The following GRIK3 variants were observed in gnomAD, a reference collection of about 807,000 sequenced individuals.
GRIK3 encodes the protein glutamate receptor ionotropic, kainate 3.
In GRIK3, 29 loss-of-function variants were observed where a neutral mutation model predicts 102.5. That is an observed-to-expected ratio of 0.28 (90% confidence interval 0.21 to 0.39). The LOEUF (loss-of-function observed/expected upper bound fraction) is 0.39. Ranked by LOEUF, GRIK3 falls within the 10% of genes least tolerant of loss-of-function variation. The pLI, the probability that GRIK3 is intolerant of heterozygous loss-of-function variation, is 1.00. For synonymous variants in GRIK3, 511 were observed against 504.9 expected (o/e 1.01, Z -0.16); for missense variants, 908 against 1,252.4 (o/e 0.73, Z 4.15).
intron 1 of GRIK3, among the ~76,000 whole-genome samples, chr1:36,938,378 C>T (rs1213969231): frequency 6.6e-6 from 1 of 152,154 alleles, no homozygotes; most frequent in Non-Finnish European, 1.5e-5. Context: ...CTCTGAAACC[C>T]AAAGTTGAAT....
chr1:36,982,128 T>A (rs1212884711), intron 1 of GRIK3, among the ~76,000 whole-genome samples: 1 of 152,162 alleles, frequency 6.6e-6, no homozygotes, highest in East Asian at 1.9e-4. Flanking sequence ...GGTTAGGACA[T>A]CCCACGCGGC....
intron 13 of GRIK3, among the ~76,000 whole-genome samples, chr1:36,809,566 C>G (rs1407274290): frequency 1.3e-5 from 2 of 152,218 alleles, no homozygotes; most frequent in Non-Finnish European, 2.9e-5. Flanking sequence ...CTCCTTCTGT[C>G]TCAGAATGGG....
At chr1:37,006,629 T>C (rs1202766347) in intron 1 of GRIK3, among the ~76,000 whole-genome samples, 1 of 152,218 alleles carries the variant, frequency 6.6e-6, no homozygotes, top group African/African-American at 2.4e-5. Flanking sequence ...TAAATCCCTC[T>C]GGACAAAGGG....
At chr1:36,935,597 C>T (rs1413299905) in intron 1 of GRIK3, among the ~76,000 whole-genome samples, 4 of 151,768 alleles carry the variant, frequency 2.6e-5, no homozygotes, top group African/African-American at 9.7e-5. Flanking sequence ...GAATGACTGA[C>T]ACAAGCATTA....
At chr1:36,939,283 C>G (rs1284502620) in intron 1 of GRIK3, among the ~76,000 whole-genome samples, 3 of 152,244 alleles carry the variant, frequency 2.0e-5, no homozygotes, top group Non-Finnish European at 2.9e-5. Context: ...CTTTCTCCTG[C>G]AGGGTGCTGC....
intron 13 of GRIK3, among the ~76,000 whole-genome samples, chr1:36,809,833 C>T (rs564540694): frequency 6.6e-6 from 1 of 152,332 alleles, no homozygotes; most frequent in South Asian, 2.1e-4. Context: ...CACCAGAGAG[C>T]TTGGGCCAGT....
intron 10 of GRIK3, among the ~76,000 whole-genome samples, chr1:36,826,680 T>TAAA (rs57217516): frequency 4.6e-5 from 5 of 108,092 alleles, no homozygotes; most frequent in African/African-American, 1.7e-4. Flanking sequence ...TTTCAAAAAA[T>TAAA]AAAAAAAAAA....
intron 9 of GRIK3, among the ~76,000 whole-genome samples, chr1:36,845,011 A>G (rs1640504145): frequency 6.6e-6 from 1 of 152,196 alleles, no homozygotes; most frequent in African/African-American, 2.4e-5. Context: ...ATCTCCATAT[A>G]AATACGCTGC....
chr1:36,933,731 G>T (rs965576945), intron 1 of GRIK3, among the ~76,000 whole-genome samples: 1 of 152,286 alleles, frequency 6.6e-6, no homozygotes, highest in African/African-American at 2.4e-5. Context: ...ACAGCAGCAA[G>T]GTATGATAGA....
intron 1 of GRIK3, among the ~76,000 whole-genome samples, chr1:36,976,232 A>G (rs1441897280): frequency 6.6e-6 from 1 of 152,202 alleles, no homozygotes; most frequent in Non-Finnish European, 1.5e-5. Context: ...CCAACAGGAC[A>G]GTGACAGGGG....
chr1:36,828,609 T>C (rs1450976659), intron 10 of GRIK3, among the ~76,000 whole-genome samples: 1 of 152,202 alleles, frequency 6.6e-6, no homozygotes, highest in Non-Finnish European at 1.5e-5. Flanking sequence ...TGAAAATGCC[T>C]AATGACATTT....
At chr1:36,957,694 AGC>A (rs1641937475) in intron 1 of GRIK3, among the ~76,000 whole-genome samples, 1 of 105,418 alleles carries the variant, frequency 9.5e-6, no homozygotes, top group African/African-American at 3.6e-5. Flanking sequence ...GTGCCCCATG[AGC>A]CTGTGTGCCC....
At chr1:36,961,469 G>A (rs530665886) in intron 1 of GRIK3, among the ~76,000 whole-genome samples, 1 of 152,222 alleles carries the variant, frequency 6.6e-6, no homozygotes, top group Non-Finnish European at 1.5e-5. Context: ...CAGAGACAAA[G>A]AAAGCAGCAG....
intron 1 of GRIK3, among the ~76,000 whole-genome samples, chr1:37,032,790 G>A (rs538114278): frequency 3.9e-5 from 6 of 152,266 alleles, no homozygotes; most frequent in African/African-American, 1.4e-4. Flanking sequence ...CTCCCGGGCG[G>A]CCGCCCAGGA....
intron 12 of GRIK3, among the ~76,000 whole-genome samples, chr1:36,818,542 T>C (rs761605250): frequency 3.9e-5 from 6 of 152,244 alleles, no homozygotes; most frequent in Non-Finnish European, 8.8e-5. Flanking sequence ...TGCTGAGTTC[T>C]GCCAGCCTTG....
chr1:36,910,428 C>T (rs1341454622), intron 1 of GRIK3, among the ~76,000 whole-genome samples: 2 of 152,274 alleles, frequency 1.3e-5, no homozygotes, highest in African/African-American at 4.8e-5. Flanking sequence ...CCTGCCAGGG[C>T]CCCCGCAGCT....
At position 36,972,221 on chromosome 1, in the gene GRIK3, G is replaced by A. The variant is rs143990205; in HGVS notation, c.115+61773C>T. 3.0e-3 allele frequency among the ~76,000 whole-genome samples: 451 copies of A among 152,320 alleles called. 2 individuals carry two copies. Among genetic ancestry groups the A allele is most frequent in the African/African-American group, 0.01 (436 of 41,574 alleles). On this transcript the variant is annotated intron_variant, in intron 1 of 15. Transcript: ENST00000373091. ...AGAATCCACAGGGCCTGGGAGGCCT[G>A]GGAATTTCCTGCAGAACTTCAGTGG...
At position 36,797,453 on chromosome 1, in the gene GRIK3, T is replaced by C. The variant is rs1167570117; in HGVS notation, c.*4398A>G. The C allele has an allele frequency of 1.3e-5, 2 of 152,144 alleles. No individual in the cohort carries two copies. The highest frequency in any genetic ancestry group is 2.9e-5 in the Non-Finnish European group (2 of 68,026). 9.4% of individuals were successfully genotyped at this position (152,144 alleles called of 1,614,324 possible). The stretch of plus-strand genomic sequence containing the variant: ...AGGGAAGGCCTGATTTAAACTGCCA[T>C]GGGGACAGAGGGCACGGCCCTTCCA... On this transcript the variant is annotated 3_prime_UTR_variant, in exon 16 of 16. Transcript: ENST00000373091.
chr1:36,997,149 T>G (rs1347142939), intron 1 of GRIK3, among the ~76,000 whole-genome samples: 1 of 152,108 alleles, frequency 6.6e-6, no homozygotes, highest in Non-Finnish European at 1.5e-5. Flanking sequence ...CTCCAAGGAC[T>G]TACAGATTGG....
Sources: allele counts gnomAD v4.1 joint callset (sites outside exome capture counted in the v4.1 genomes callset), GRCh38; gene constraint gnomAD v4.1.1; transcripts MANE v1.5; gene names NCBI Gene and HGNC (gene_info 2026-07-23, HGNC 2026-07-21).